THEMIS: variants seen among roughly 807,000 people sequenced by gnomAD.
The protein encoded by THEMIS is thymocyte selection associated.
Under a neutral mutation model 52.6 loss-of-function variants are expected in THEMIS, and 37 were observed. The observed-to-expected ratio is 0.70, with a 90% CI of 0.54 to 0.93. THEMIS has a LOEUF of 0.93. Ranked by LOEUF, THEMIS falls within the 40% of genes least tolerant of loss-of-function variation. THEMIS has a pLI of 0.00. For missense variants in THEMIS, 808 were observed against 763.1 expected (o/e 1.06, Z -0.69); for synonymous variants, 292 against 272.7 (o/e 1.07, Z -0.70).
chr6:127,700,346 G>C, the THEMIS span, among the ~76,000 whole-genome samples: 1 of 151,554 alleles, frequency 6.6e-6, no homozygotes, highest in Non-Finnish European at 1.5e-5. Flanking sequence ...ATTCAGCCCA[G>C]CTTGAGATTT....
intron 1 of THEMIS, among the ~76,000 whole-genome samples, chr6:127,897,971 GCA>G (rs1781022753): frequency 1.3e-5 from 2 of 151,620 alleles, no homozygotes; most frequent in South Asian, 2.1e-4. Flanking sequence ...ATATAAAACA[GCA>G]TGGATTAGTT....
At chr6:127,737,871 T>C (rs1258262607) in intron 4 of THEMIS, among the ~76,000 whole-genome samples, 1 of 152,206 alleles carries the variant, frequency 6.6e-6, no homozygotes. Context: ...GGATGGCTTT[T>C]TCAAGACAGG....
At chr6:127,773,848 A>G (rs960047686) in intron 4 of THEMIS, among the ~76,000 whole-genome samples, 1 of 152,236 alleles carries the variant, frequency 6.6e-6, no homozygotes, top group African/African-American at 2.4e-5. Context: ...GTATAATCTT[A>G]TGGTCTCATA....
At chr6:127,809,832 A>C (rs1777840066) in intron 4 of THEMIS, among the ~76,000 whole-genome samples, 1 of 150,450 alleles carries the variant, frequency 6.6e-6, no homozygotes, top group Non-Finnish European at 1.5e-5. Context: ...GTATAAAATA[A>C]CTAATATCAT....
intron 4 of THEMIS, among the ~76,000 whole-genome samples, chr6:127,780,621 T>C (rs1402821881): frequency 6.6e-6 from 1 of 152,200 alleles, no homozygotes; most frequent in Admixed American, 6.5e-5. Flanking sequence ...CATTTGCTTG[T>C]CTGTAAAGGA....
At position 127,829,922 on chromosome 6, in the gene THEMIS, A is replaced by G. The variant is rs766233894; in HGVS notation, c.263T>C (p.Ile88Thr). 2 of 1,608,590 alleles carry G rather than the reference A, an allele frequency of 1.2e-6. No homozygotes were observed. The highest frequency in any genetic ancestry group is 1.7e-6 in the Non-Finnish European group (2 of 1,177,504). The change falls in exon 3 of 6, where the codon ATT becomes ACT. Residue 88 changes from isoleucine to threonine, a missense_variant. By Grantham distance (89) the Ile-to-Thr change is moderately conservative. Coordinates refer to ENST00000368248, the MANE Select transcript of THEMIS (RefSeq NM_001010923.3). ...LPMNFPGLFK[I>T]VADKTPYLTM... is the part of the protein sequence containing the mutation. ...AAGGTATGGAGTTTTATCAGCCACA[A>G]TCTTAAAAAGACCTAAGAACAGAAT...
At chr6:127,808,606 A>G (rs964823563) in intron 4 of THEMIS, among the ~76,000 whole-genome samples, 2 of 152,186 alleles carry the variant, frequency 1.3e-5, no homozygotes, top group African/African-American at 4.8e-5. Flanking sequence ...TTATCCTTAT[A>G]AACAGTTAAC....
chr6:127,804,640 A>T (rs1777641120), intron 4 of THEMIS, among the ~76,000 whole-genome samples: 1 of 152,190 alleles, frequency 6.6e-6, no homozygotes, highest in African/African-American at 2.4e-5. Context: ...AGAGTCTAGT[A>T]TGAATGGAAA....
At chr6:127,883,589 A>T (rs1372738318) in intron 1 of THEMIS, among the ~76,000 whole-genome samples, 2 of 152,044 alleles carry the variant, frequency 1.3e-5, no homozygotes, top group Non-Finnish European at 2.9e-5. Flanking sequence ...GGTTTGACTT[A>T]GCAATTTTTT....
At chr6:127,914,739 G>A (rs1055438854) in intron 1 of THEMIS, among the ~76,000 whole-genome samples, 9 of 152,222 alleles carry the variant, frequency 5.9e-5, no homozygotes, top group African/African-American at 2.2e-4. Context: ...ACTTTCAAAT[G>A]TATGTAAATG....
chr6:127,887,505 A>T lies in THEMIS; in HGVS notation c.91+13337T>A, dbSNP rs375157800. Among the ~76,000 whole-genome samples the T allele has an allele frequency of 1.5e-4, 23 of 152,276 alleles. No homozygotes were observed. The East Asian group carries it at 3.9e-3, about 26-fold the overall frequency. On this transcript the variant is annotated intron_variant, in intron 1 of 5. Coordinates refer to ENST00000368248, the MANE Select transcript of THEMIS (RefSeq NM_001010923.3). ...AAACGAAATGTGGTATATCCATACA[A>T]TAAAATACTATTTACCAATAAAAAG...
intron 4 of THEMIS, among the ~76,000 whole-genome samples, chr6:127,794,757 A>G (rs1240952984): frequency 6.6e-6 from 1 of 152,184 alleles, no homozygotes; most frequent in Admixed American, 6.5e-5. Context: ...TATTCTTTCA[A>G]AAATTATTCT....
chr6:127,744,898 G>T (rs1775334493), intron 4 of THEMIS, among the ~76,000 whole-genome samples: 1 of 151,760 alleles, frequency 6.6e-6, no homozygotes, highest in African/African-American at 2.4e-5. Context: ...TGGAGGTGAT[G>T]AATATGTTTA....
At chr6:127,799,638 T>C (rs560545150) in intron 4 of THEMIS, among the ~76,000 whole-genome samples, 1 of 151,984 alleles carries the variant, frequency 6.6e-6, no homozygotes, top group Non-Finnish European at 1.5e-5. Flanking sequence ...ATAGTTCTTA[T>C]ATTGTTCACT....
chr6:127,811,533 C>T (rs1036063223), intron 4 of THEMIS, among the ~76,000 whole-genome samples: 7 of 152,144 alleles, frequency 4.6e-5, no homozygotes, highest in African/African-American at 1.7e-4. Context: ...CTGGATAATC[C>T]AAGATAATCT....
In THEMIS at chr6:127,881,997, C is replaced by CA. The variant is rs5879865; in HGVS notation, c.91+18844dup. On this transcript the variant is annotated intron_variant, in intron 1 of 5. Transcript: ENST00000368248. Reference sequence around the variant, plus strand: ...GTAGCTGAAGTGTCATCTTATACAGCAAAAAAAAAAAAAAAATGGTCTCCA... The same window carrying CA: ...GTAGCTGAAGTGTCATCTTATACAGCAAAAAAAAAAAAAAAAATGGTCTCCA... 6.1e-3 allele frequency among the ~76,000 whole-genome samples: 726 copies of CA among 118,144 alleles called. 1 individual carries two copies. Among genetic ancestry groups the CA allele is most frequent in the African/African-American group, 7.4e-3 (250 of 33,716 alleles). The allele number at this position is 118,144 out of a possible 152,430, so 77.5% of individuals were successfully genotyped here. A position where few individuals can be genotyped will look rare whatever the true frequency, so the allele number is the denominator to read the frequency against.
chr6:127,893,607 A>T (rs1263268249), intron 1 of THEMIS, among the ~76,000 whole-genome samples: 1 of 152,140 alleles, frequency 6.6e-6, no homozygotes, highest in Non-Finnish European at 1.5e-5. Flanking sequence ...TAAAATAATA[A>T]ATGCTTGAGC....
chr6:127,780,805 C>T (rs1014037099), intron 4 of THEMIS, among the ~76,000 whole-genome samples: 1 of 152,146 alleles, frequency 6.6e-6, no homozygotes, highest in Non-Finnish European at 1.5e-5. Context: ...GTAACCCAAC[C>T]TTTCTGGTTG....
At chr6:127,780,686 T>C (rs1377618482) in intron 4 of THEMIS, among the ~76,000 whole-genome samples, 2 of 152,236 alleles carry the variant, frequency 1.3e-5, no homozygotes, top group African/African-American at 4.8e-5. Context: ...AAATTCTGGG[T>C]TGAAAATTCT....
Sources: allele counts gnomAD v4.1 joint callset (sites outside exome capture counted in the v4.1 genomes callset), GRCh38; gene constraint gnomAD v4.1.1; transcripts MANE v1.5; gene names NCBI Gene and HGNC (gene_info 2026-07-23, HGNC 2026-07-21).